The following ROBO1 variants were observed in gnomAD, a reference collection of about 807,000 sequenced individuals.
The protein encoded by ROBO1 is roundabout guidance receptor 1, also known as roundabout homolog 1.
ROBO1 carries 149 observed loss-of-function variants against 195.9 expected under a neutral mutation model. The observed-to-expected ratio is 0.76, with a 90% confidence interval of 0.67 to 0.87. ROBO1 has a LOEUF of 0.87. ROBO1 is among the 40% of genes least tolerant of loss of function. ROBO1 has a pLI of 0.00. For synonymous variants in ROBO1, 816 were observed against 733.2 expected (o/e 1.11, Z -1.82); for missense variants, 1,933 against 2,068.3 (o/e 0.93, Z 1.27).
intron 2 of ROBO1, among the ~76,000 whole-genome samples, chr3:79,423,002 T>C (rs889274491): frequency 9.2e-5 from 14 of 151,888 alleles, no homozygotes; most frequent in African/African-American, 3.4e-4. Flanking sequence ...AAAAACCACC[T>C]GGTTGTGCTG....
intron 4 of ROBO1, among the ~76,000 whole-genome samples, chr3:78,883,691 T>A (rs2107281405): frequency 6.6e-6 from 1 of 152,292 alleles, no homozygotes; most frequent in African/African-American, 2.4e-5. Context: ...TGTACTATTC[T>A]ACTATACTGT....
rs2081930177 is a variant in ROBO1 at position 78,717,433 on chromosome 3, T to C, written c.779-20A>G. 1.9e-6 allele frequency: 3 copies of C among 1,610,908 alleles called. No homozygotes were observed. The highest frequency in any genetic ancestry group is 2.5e-6 in the Non-Finnish European group (3 of 1,177,708). ...GTCTCTCTAAAATTAAAAAGAGTCA[T>C]CTTAAGGTAAAATTTTAAAATGAAC... On this transcript the variant is annotated intron_variant, in intron 6 of 30. Transcript: ENST00000464233.
At chr3:79,696,940 A>C (rs902371328) in intron 1 of ROBO1, among the ~76,000 whole-genome samples, 1 of 151,586 alleles carries the variant, frequency 6.6e-6, no homozygotes, top group African/African-American at 2.4e-5. Context: ...AATGAAAAAA[A>C]TCAGACATAA....
At chr3:79,655,861 G>C (rs980184687) in intron 1 of ROBO1, among the ~76,000 whole-genome samples, 8 of 151,962 alleles carry the variant, frequency 5.3e-5, no homozygotes, top group African/African-American at 1.9e-4. Flanking sequence ...AGCTGTTAAG[G>C]TTCTTATTTG....
chr3:79,575,461 A>G (rs1302361225), intron 2 of ROBO1, among the ~76,000 whole-genome samples: 2 of 135,654 alleles, frequency 1.5e-5, no homozygotes, highest in Non-Finnish European at 3.1e-5. Flanking sequence ...AAATATATAT[A>G]ACAAATACAT....
At chr3:79,473,568 A>C (rs1170702686) in intron 2 of ROBO1, among the ~76,000 whole-genome samples, 1 of 152,156 alleles carries the variant, frequency 6.6e-6, no homozygotes, top group Non-Finnish European at 1.5e-5. Context: ...TTTGAGATCC[A>C]AAATGAATCA....
chr3:79,572,708 A>G (rs1943319408), intron 2 of ROBO1, among the ~76,000 whole-genome samples: 1 of 152,130 alleles, frequency 6.6e-6, no homozygotes, highest in African/African-American at 2.4e-5. Context: ...AACAAGAGTA[A>G]AAGTTAGAAA....
chr3:78,817,352 T>C (rs937723832), intron 4 of ROBO1, among the ~76,000 whole-genome samples: 2 of 152,168 alleles, frequency 1.3e-5, no homozygotes, highest in African/African-American at 4.8e-5. Context: ...ATATACTTTT[T>C]TTTAAGATAA....
chr3:79,682,442 G>A (rs765607343), intron 1 of ROBO1, among the ~76,000 whole-genome samples: 2 of 151,890 alleles, frequency 1.3e-5, no homozygotes, highest in Non-Finnish European at 2.9e-5. Flanking sequence ...CTTGAAGAAA[G>A]TAAGCGTTAA....
At chr3:79,448,670 T>C (rs1407571661) in intron 2 of ROBO1, among the ~76,000 whole-genome samples, 1 of 152,162 alleles carries the variant, frequency 6.6e-6, no homozygotes, top group African/African-American at 2.4e-5. Context: ...AGTTGGTATA[T>C]GTAGAGACTT....
intron 28 of ROBO1, among the ~76,000 whole-genome samples, chr3:78,610,313 A>T (rs1336983369): frequency 6.6e-6 from 1 of 152,184 alleles, no homozygotes; most frequent in Non-Finnish European, 1.5e-5. Flanking sequence ...CCTTGATGTT[A>T]CTTATTATTA....
At chr3:79,650,763 A>C (rs563055960) in intron 1 of ROBO1, among the ~76,000 whole-genome samples, 2 of 151,958 alleles carry the variant, frequency 1.3e-5, no homozygotes, top group African/African-American at 4.8e-5. Flanking sequence ...AATCTGAAGA[A>C]GCATACATAT....
chr3:79,284,970 G>A (rs114356435), intron 2 of ROBO1, among the ~76,000 whole-genome samples: 6,693 of 151,864 alleles, frequency 0.044, 276 homozygotes, highest in African/African-American at 0.11. Flanking sequence ...AACCACATCC[G>A]TTTGTTTCAG....
chr3:79,487,892 G>A (rs1939247022), intron 2 of ROBO1, among the ~76,000 whole-genome samples: 1 of 152,020 alleles, frequency 6.6e-6, no homozygotes, highest in East Asian at 1.9e-4. Flanking sequence ...AATAGAAAAT[G>A]GGAACAATAA....
chr3:78,661,237 G>A lies in ROBO1; in HGVS notation c.2113C>T (p.Gln705Ter). The change falls in exon 16 of 31, where the codon CAA (glutamine) becomes TAA (stop). Residue 705 changes from glutamine to a stop codon, truncating the protein, a stop_gained. Transcript: ENST00000464233. LOFTEE classifies it high-confidence loss of function. ...GGCCGATAGAGAATTTTATATCCTT[G>A]TATATACTGAGACTGTTGATCTACC... ...WTVDQQSQYI[Q>*]GYKILYRPSG... The A allele has an allele frequency of 6.2e-7, 1 of 1,602,174 alleles. No homozygotes were observed. The highest frequency in any genetic ancestry group is 8.5e-7 in the Non-Finnish European group (1 of 1,173,054).
At chr3:78,880,699 A>T (rs1260708633) in intron 4 of ROBO1, among the ~76,000 whole-genome samples, 1 of 152,150 alleles carries the variant, frequency 6.6e-6, no homozygotes, top group Non-Finnish European at 1.5e-5. Context: ...CTAACCCTTT[A>T]TCTGCTTTTT....
intron 4 of ROBO1, among the ~76,000 whole-genome samples, chr3:78,885,243 C>T (rs903132338): frequency 5.3e-5 from 8 of 151,788 alleles, no homozygotes; most frequent in African/African-American, 1.9e-4. Flanking sequence ...AAAAAACACA[C>T]AGTGGGGTCT....
chr3:78,854,737 G>T (rs1027648296), intron 4 of ROBO1, among the ~76,000 whole-genome samples: 4 of 151,890 alleles, frequency 2.6e-5, no homozygotes, highest in African/African-American at 9.7e-5. Context: ...TTTTTCCAAG[G>T]TGATACACGT....
intron 2 of ROBO1, among the ~76,000 whole-genome samples, chr3:79,254,365 T>A (rs2082788601): frequency 6.6e-6 from 1 of 152,118 alleles, no homozygotes; most frequent in African/African-American, 2.4e-5. Flanking sequence ...TATTTAGGCT[T>A]TTTAGTGTTT....
Sources: allele counts gnomAD v4.1 joint callset (sites outside exome capture counted in the v4.1 genomes callset), GRCh38; gene constraint gnomAD v4.1.1; transcripts MANE v1.5; gene names NCBI Gene and HGNC (gene_info 2026-07-23, HGNC 2026-07-21).